The following ZNF804B variants were observed in gnomAD, a reference collection of about 807,000 sequenced individuals.
The protein encoded by ZNF804B is zinc finger 804B.
In ZNF804B, 80 loss-of-function variants were observed where a neutral mutation model predicts 101.4. The observed-to-expected ratio is 0.79, with a 90% CI of 0.66 to 0.95. ZNF804B has a LOEUF of 0.95. Ranked by LOEUF, ZNF804B falls within the 40% of genes least tolerant of loss-of-function variation. The pLI is 0.00. For missense variants in ZNF804B, 1,673 were observed against 1,561.9 expected (o/e 1.07, Z -1.20); for synonymous variants, 622 against 558.8 (o/e 1.11, Z -1.59).
chr7:88,915,577 T>G (rs891681784), intron 1 of ZNF804B, among the ~76,000 whole-genome samples: 1 of 152,018 alleles, frequency 6.6e-6, no homozygotes, highest in African/African-American at 2.4e-5. Flanking sequence ...AACAGAGTTT[T>G]TGCTTCATAA....
intron 1 of ZNF804B, among the ~76,000 whole-genome samples, chr7:89,205,480 T>C (rs1788701908): frequency 6.6e-6 from 1 of 152,132 alleles, no homozygotes; most frequent in African/African-American, 2.4e-5. Flanking sequence ...GTACAGGCAA[T>C]GGTTAAATAC....
At chr7:88,885,403 C>G (rs114501782) in intron 1 of ZNF804B, among the ~76,000 whole-genome samples, 1 of 150,808 alleles carries the variant, frequency 6.6e-6, no homozygotes, top group Non-Finnish European at 1.5e-5. Context: ...TTTTCAGTGA[C>G]GTATTGATCT....
intron 1 of ZNF804B, among the ~76,000 whole-genome samples, chr7:88,854,434 T>TCTTTCTTTCTTTCTTC (rs1791508341): frequency 9.4e-6 from 1 of 106,576 alleles, no homozygotes; most frequent in Admixed American, 9.7e-5. Flanking sequence ...TTTCTTTCTT[T>TCTTTCTTTCTTTCTTC]CTTTCTTTCT....
At chr7:89,075,753 A>G (rs906627003) in intron 1 of ZNF804B, among the ~76,000 whole-genome samples, 5 of 152,196 alleles carry the variant, frequency 3.3e-5, no homozygotes, top group African/African-American at 1.2e-4. Flanking sequence ...TGTGCCTGGA[A>G]AAGCCATAGA....
chr7:89,252,506 A>G (rs1562928609), intron 2 of ZNF804B, among the ~76,000 whole-genome samples: 1 of 152,206 alleles, frequency 6.6e-6, no homozygotes, highest in African/African-American at 2.4e-5. Flanking sequence ...CAGGACTACC[A>G]TTTGATCCAG....
At chr7:88,913,420 GT>G (rs1196397595) in intron 1 of ZNF804B, among the ~76,000 whole-genome samples, 2 of 152,060 alleles carry the variant, frequency 1.3e-5, no homozygotes, top group African/African-American at 4.8e-5. Flanking sequence ...TCGAGATGGA[GT>G]TTTGCTTTTG....
At chr7:88,998,344 A>C (rs1375709357) in intron 1 of ZNF804B, among the ~76,000 whole-genome samples, 1 of 152,052 alleles carries the variant, frequency 6.6e-6, no homozygotes, top group Non-Finnish European at 1.5e-5. Context: ...GTCAAACAGA[A>C]TGAAAGCATG....
chr7:89,276,689 T>C (rs1789986467), intron 2 of ZNF804B, among the ~76,000 whole-genome samples: 1 of 151,786 alleles, frequency 6.6e-6, no homozygotes. Context: ...GAAAGTATAT[T>C]TGTTAATAAT....
At chr7:89,227,451 T>C (rs913972645) in intron 2 of ZNF804B, among the ~76,000 whole-genome samples, 1 of 152,092 alleles carries the variant, frequency 6.6e-6, no homozygotes, top group African/African-American at 2.4e-5. Context: ...AACCAGACAA[T>C]CATCTCCATC....
chr7:88,942,230 T>G (rs2116048399), intron 1 of ZNF804B, among the ~76,000 whole-genome samples: 1 of 152,100 alleles, frequency 6.6e-6, no homozygotes, highest in Middle Eastern at 3.4e-3. Context: ...ATCTATGTGC[T>G]TCTACCTCCT....
chr7:89,274,406 C>T (rs1005080465), intron 2 of ZNF804B, among the ~76,000 whole-genome samples: 14 of 137,206 alleles, frequency 1.0e-4, no homozygotes, highest in Non-Finnish European at 1.5e-4. Context: ...TGAGAATATG[C>T]GGTGTTTGGT....
At chr7:88,825,356 T>C (rs769243337) in intron 1 of ZNF804B, among the ~76,000 whole-genome samples, 4 of 151,826 alleles carry the variant, frequency 2.6e-5, no homozygotes, top group Non-Finnish European at 2.9e-5. Context: ...AAGAAATGAC[T>C]TTAATTTACA....
At chr7:89,181,253 GC>G (rs550344017) in intron 1 of ZNF804B, among the ~76,000 whole-genome samples, 72 of 152,134 alleles carry the variant, frequency 4.7e-4, no homozygotes, top group African/African-American at 1.7e-3. Context: ...GCCCAGCATG[GC>G]ACCAGGACTT....
intron 2 of ZNF804B, among the ~76,000 whole-genome samples, chr7:89,301,834 G>T (rs957904870): frequency 6.6e-6 from 1 of 151,740 alleles, no homozygotes; most frequent in Non-Finnish European, 1.5e-5. Context: ...TCTGAGATGG[G>T]GAAGATGAGA....
chr7:89,182,265 ACTT>A (rs1282807822), intron 1 of ZNF804B, among the ~76,000 whole-genome samples: 1 of 152,202 alleles, frequency 6.6e-6, no homozygotes, highest in Non-Finnish European at 1.5e-5. Context: ...ATGTTAAAGC[ACTT>A]ATTCCGAAGA....
intron 2 of ZNF804B, among the ~76,000 whole-genome samples, chr7:89,247,592 T>C (rs1209667487): frequency 6.7e-6 from 1 of 150,000 alleles, no homozygotes; most frequent in Admixed American, 6.6e-5. Flanking sequence ...TACAGAGAAA[T>C]AAAGAAAAAG....
chr7:89,079,631 C>T (rs930780386), intron 1 of ZNF804B, among the ~76,000 whole-genome samples: 3 of 151,922 alleles, frequency 2.0e-5, no homozygotes, highest in African/African-American at 4.8e-5. Context: ...GTGAAAAATA[C>T]ATGAAATTTA....
At chr7:88,959,548 A>G (rs1793361160) in intron 1 of ZNF804B, among the ~76,000 whole-genome samples, 1 of 151,400 alleles carries the variant, frequency 6.6e-6, no homozygotes, top group Non-Finnish European at 1.5e-5. Context: ...TCTTGAGAAT[A>G]TCTGAGAGCT....
Position 89,336,636 on chromosome 7 carries a change from T to C in ZNF804B, c.3654T>C (p.Ala1218=), listed in dbSNP as rs1791098361. ...TIHHTFLQHF[A]VSASLSSHSS... is the part of the protein sequence containing the mutation. ...ACCACACGTTCCTGCAGCATTTTGCTGTTTCTGCTTCCTTAAGTTCTCATA... is the reference window on the plus strand; with the variant it reads ...ACCACACGTTCCTGCAGCATTTTGCCGTTTCTGCTTCCTTAAGTTCTCATA... The change falls in exon 4 of 4, where the codon GCT becomes GCC. Residue 1218 remains alanine, a synonymous_variant. Transcript: ENST00000333190. 6.2e-7 allele frequency: 1 copy of C among 1,614,010 alleles called. No individual in the cohort carries two copies. The highest frequency in any genetic ancestry group is 1.3e-5 in the African/African-American group (1 of 74,918).
Sources: gnomAD v4.1 joint callset for allele counts (sites outside exome capture counted in the v4.1 genomes callset) on GRCh38, gnomAD v4.1.1 for gene constraint, MANE v1.5 for transcripts, NCBI Gene and HGNC (gene_info 2026-07-23, HGNC 2026-07-21) for gene names.